Variants in RYR2 observed in about 807,000 individuals in gnomAD.
The protein encoded by RYR2 is ryanodine receptor 2, also known as cardiac muscle ryanodine receptor-calcium release channel.
In RYR2, 227 loss-of-function variants were observed where a neutral mutation model predicts 601.1. That is an observed-to-expected ratio of 0.38 (90% confidence interval 0.34 to 0.42). The LOEUF (loss-of-function observed/expected upper bound fraction) is 0.42. RYR2 is among the 10% of genes least tolerant of loss of function. The pLI is 1.00. For synonymous variants in RYR2, 2,223 were observed against 2,175.1 expected, an observed-to-expected ratio of 1.02 and a Z score of -0.61; for missense variants, 4,646 against 6,156.5, an observed-to-expected ratio of 0.75 and a Z score of 8.21.
intron 12 of RYR2, among the ~76,000 whole-genome samples, chr1:237,439,018 T>C (rs1234689953): frequency 6.6e-6 from 1 of 152,216 alleles, no homozygotes; most frequent in Non-Finnish European, 1.5e-5. Flanking sequence ...GCCATTAATA[T>C]AGATATGGTA....
chr1:237,424,306 G>T (rs188264667), intron 12 of RYR2, among the ~76,000 whole-genome samples: 74 of 152,292 alleles, frequency 4.9e-4, no homozygotes, highest in Non-Finnish European at 2.9e-4. Context: ...AATAGATAAA[G>T]ATTTGACTTT....
At chr1:237,291,398 A>C (rs2891873) in intron 2 of RYR2, among the ~76,000 whole-genome samples, 1 of 152,162 alleles carries the variant, frequency 6.6e-6, no homozygotes, top group South Asian at 2.1e-4. Context: ...ATAGCTAAAC[A>C]TACTTTTACT....
chr1:237,674,254 T>C, intron 59 of RYR2, 35 bp downstream of exon 59: 2 of 1,521,862 alleles, frequency 1.3e-6, no homozygotes, highest in Non-Finnish European at 1.8e-6. Context: ...CACACTCTTT[T>C]CACAAGAGTG....
At chr1:237,100,249 T>G (rs1170443112) in intron 1 of RYR2, among the ~76,000 whole-genome samples, 1 of 152,192 alleles carries the variant, frequency 6.6e-6, no homozygotes, top group Non-Finnish European at 1.5e-5. Flanking sequence ...TTCCGTCACC[T>G]ACACATTATT....
chr1:237,318,487 C>T (rs187362507), intron 2 of RYR2, among the ~76,000 whole-genome samples: 23 of 152,166 alleles, frequency 1.5e-4, no homozygotes, highest in African/African-American at 5.5e-4. Context: ...TCCTTCAGAA[C>T]TTTCTTTTGT....
Position 237,627,974 on chromosome 1 carries a change from T to C in RYR2, c.6334T>C (p.Ser2112Pro). The C allele has an allele frequency of 6.2e-7, 1 of 1,613,902 alleles. No individual in the cohort carries two copies. The highest frequency in any genetic ancestry group is 8.5e-7 in the Non-Finnish European group (1 of 1,179,872). The change falls in exon 41 of 105, where the codon TCC becomes CCC. Residue 2112 changes from serine (S) to proline (P), a missense_variant. Ser to Pro is a moderately conservative substitution (Grantham distance 74). Around this residue, in one of 17 missense-constraint regions of RYR2, gnomAD observed 170 missense variants for 184.5 expected, o/e 0.92. Coordinates refer to ENST00000366574, the MANE Select transcript of RYR2 (RefSeq NM_001035.3). ...LPKTYTINGV[S>P]VEDTINLLAS... is the part of the protein sequence containing the mutation. ...AAAGACCTACACGATAAATGGTGTGTCCGTGGAGGACACCATCAACCTGCT... is the reference window on the plus strand; with the variant it reads ...AAAGACCTACACGATAAATGGTGTGCCCGTGGAGGACACCATCAACCTGCT...
intron 1 of RYR2, among the ~76,000 whole-genome samples, chr1:237,181,920 A>T (rs141709941): frequency 6.6e-6 from 1 of 152,324 alleles, no homozygotes; most frequent in East Asian, 1.9e-4. Context: ...GCCATCAAAA[A>T]GCAGTGACTC....
At chr1:237,163,659 TG>T (rs1676298858) in intron 1 of RYR2, among the ~76,000 whole-genome samples, 1 of 152,152 alleles carries the variant, frequency 6.6e-6, no homozygotes, top group South Asian at 2.1e-4. Flanking sequence ...GTGGGAAAAT[TG>T]GTCTTCTGAA....
chr1:237,829,441 A>G (rs1663524859), intron 102 of RYR2, among the ~76,000 whole-genome samples: 1 of 152,154 alleles, frequency 6.6e-6, no homozygotes, highest in African/African-American at 2.4e-5. Flanking sequence ...GAGAAGATGG[A>G]GCAAGCAAGG....
intron 1 of RYR2, among the ~76,000 whole-genome samples, chr1:237,143,776 C>T (rs1213459101): frequency 6.6e-6 from 1 of 152,154 alleles, no homozygotes; most frequent in Non-Finnish European, 1.5e-5. Context: ...CCCTGTCTGA[C>T]CAGTGTTGGG....
intron 1 of RYR2, among the ~76,000 whole-genome samples, chr1:237,206,422 C>A (rs76067746): frequency 0.019 from 2,886 of 152,198 alleles, 58 homozygotes; most frequent in South Asian, 0.083. Context: ...GGATAGATAG[C>A]GTTAGGAGTG....
chr1:237,506,320 G>A (rs1365094371), intron 22 of RYR2, among the ~76,000 whole-genome samples: 2 of 152,202 alleles, frequency 1.3e-5, no homozygotes, highest in South Asian at 2.1e-4. Context: ...GGCGGATCAC[G>A]AGGTCAGGAG....
intron 17 of RYR2, among the ~76,000 whole-genome samples, chr1:237,478,125 A>G (rs1661610112): frequency 6.6e-6 from 1 of 151,724 alleles, no homozygotes; most frequent in South Asian, 2.1e-4. Flanking sequence ...ATTATCAAAA[A>G]CAGGGTTCAT....
intron 80 of RYR2, 40 bp from the exon 81 acceptor site, chr1:237,756,248 A>G (rs1343916088): frequency 1.5e-6 from 2 of 1,347,238 alleles, no homozygotes; most frequent in African/African-American, 2.9e-5. Flanking sequence ...TGTTGTGCTT[A>G]CTGATACCCT....
At chr1:237,262,244 A>AGTTTTTTT (rs1688598358) in intron 1 of RYR2, among the ~76,000 whole-genome samples, 1 of 35,524 alleles carries the variant, frequency 2.8e-5, no homozygotes, top group East Asian at 3.0e-3. Flanking sequence ...TGTTCTAAAG[A>AGTTTTTTT]GTTTTTTTTT....
chr1:237,258,546 G>T (rs553332840), intron 1 of RYR2, among the ~76,000 whole-genome samples: 1 of 152,268 alleles, frequency 6.6e-6, no homozygotes, highest in South Asian at 2.1e-4. Flanking sequence ...ATTATTGGTG[G>T]CTATTCATGA....
In RYR2 at chr1:237,784,547, A is replaced by G. The variant is rs764507850; in HGVS notation, c.12835A>G (p.Met4279Val). ...AGTAAAAAAGATGACCGTGAAGGAC[A>G]TGGTCACGGCCTTCTTTTCATCCTA... ...KKVKKMTVKD[M>V]VTAFFSSYWS... Residue 4279 changes from methionine (M) to valine (V), a missense_variant, in exon 90 of 105, where the codon ATG becomes GTG. Met to Val is a conservative substitution (Grantham distance 21). Coordinates refer to ENST00000366574, the MANE Select transcript of RYR2 (RefSeq NM_001035.3). The surrounding 1 kb of genome is among the most constrained non-coding windows in gnomAD (Gnocchi z 7.1). The G allele has an allele frequency of 2.2e-5, 36 of 1,613,956 alleles. No individual in the cohort carries two copies. The highest frequency in any genetic ancestry group is 2.9e-5 in the Non-Finnish European group (34 of 1,179,870).
rs1476195040 is a variant in RYR2, at chr1:237,456,640, A to C, written c.1517A>C (p.His506Pro). The change falls in exon 16 of 105, where the codon CAC (histidine) becomes CCC (proline). Residue 506 changes from histidine to proline, a missense_variant. Around this residue, in one of 17 missense-constraint regions of RYR2, gnomAD observed 1,807 missense variants for 2,088.1 expected, o/e 0.87. Transcript: ENST00000366574. ...NLVLECIDRL[H>P]VYSSAAHFAD... ...GTGCTTGAGTGCATAGACCGTTTGC[A>C]CGTCTACAGCAGTGCAGCACACTTT... 12 of 1,608,322 alleles carry C rather than the reference A, an allele frequency of 7.5e-6. No homozygotes were observed. Among genetic ancestry groups the C allele is most frequent in the Non-Finnish European group, 9.3e-6 (11 of 1,176,502 alleles).
intron 10 of RYR2, among the ~76,000 whole-genome samples, chr1:237,404,860 T>C (rs1703713818): frequency 6.6e-6 from 1 of 152,180 alleles, no homozygotes; most frequent in Admixed American, 6.5e-5. Context: ...GAGACTGTAT[T>C]GCAAAGTTGC....
Sources: gnomAD v4.1 joint callset for allele counts (sites outside exome capture counted in the v4.1 genomes callset) on GRCh38, gnomAD v4.1.1 for gene constraint, gnomAD v4.1.1 regional missense constraint, Gnocchi (gnomAD v3.1) non-coding constraint, MANE v1.5 for transcripts, NCBI Gene and HGNC (gene_info 2026-07-23, HGNC 2026-07-21) for gene names.